DIAPH2: variants seen among roughly 807,000 people sequenced by gnomAD.
The protein encoded by DIAPH2 is diaphanous related formin 2.
Under a neutral mutation model 92.7 loss-of-function variants are expected in DIAPH2, and 35 were observed. The observed-to-expected ratio is 0.38, with a 90% confidence interval of 0.29 to 0.50. The LOEUF (loss-of-function observed/expected upper bound fraction) is 0.50, where lower values mean the gene tolerates loss of function less well. DIAPH2 is among the 20% of genes least tolerant of loss of function. The probability of loss-of-function intolerance (pLI) is 0.94; values close to 1 mark genes in which losing one functional copy is unlikely to be tolerated. For synonymous variants in DIAPH2, 301 were observed against 280.4 expected (o/e 1.07, Z -0.73); for missense variants, 701 against 819.5 (o/e 0.86, Z 1.77).
rs1276477107 is a variant in DIAPH2, at chrX:97,185,423, G to GTATA, written c.2719+43637_2719+43640dup. 9.8e-4 allele frequency among the ~76,000 whole-genome samples: 24 copies of GTATA among 24,380 alleles called. 3 individuals carry two copies. Among genetic ancestry groups the GTATA allele is most frequent in the African/African-American group, 4.3e-3 (24 of 5,622 alleles). The allele number at this position is 24,380 out of a possible 115,157, so 21.2% of individuals were successfully genotyped here. On this transcript the variant is annotated intron_variant, in intron 22 of 26. Coordinates refer to ENST00000324765, the MANE Select transcript of DIAPH2 (RefSeq NM_006729.5). ...TATATATATATATGTATATATATATGTATATATATATGTGTATATATATAT... is the reference window on the plus strand; with the variant it reads ...TATATATATATATGTATATATATATGTATATATATATATATGTGTATATATATAT...
chrX:96,822,651 G>A (rs112914388), intron 4 of DIAPH2, among the ~76,000 whole-genome samples: 2,649 of 111,254 alleles, frequency 0.024, 74 homozygotes, highest in African/African-American at 0.082. Flanking sequence ...ACACAAACTA[G>A]GCCTGAATAT....
At chrX:97,345,116 G>A (rs967134290) in intron 23 of DIAPH2, among the ~76,000 whole-genome samples, 2 of 111,701 alleles carry the variant, frequency 1.8e-5, no homozygotes, top group African/African-American at 6.5e-5. Context: ...TATATATGAT[G>A]ACAGTCTCAA....
At chrX:96,871,699 A>G (rs1248274820) in intron 4 of DIAPH2, among the ~76,000 whole-genome samples, 1 of 111,591 alleles carries the variant, frequency 9.0e-6, no homozygotes, top group Non-Finnish European at 1.9e-5. Flanking sequence ...AAGGAAACCA[A>G]TCATATTAAA....
At chrX:97,087,242 C>T (rs1042633399) in intron 19 of DIAPH2, among the ~76,000 whole-genome samples, 8 of 111,629 alleles carry the variant, frequency 7.2e-5, no homozygotes, top group African/African-American at 2.6e-4. Flanking sequence ...TTATTTTATC[C>T]CATATGAAGG....
intron 16 of DIAPH2, among the ~76,000 whole-genome samples, chrX:96,962,426 TATACATATATATATAC>T (rs2065865113): frequency 1.3e-5 from 1 of 77,622 alleles, no homozygotes; most frequent in African/African-American, 5.5e-5. Context: ...TACACATATA[TATACATATATATATAC>T]ATATATACAC....
Position 96,684,877 on chromosome X carries a change from G to C in DIAPH2, c.-182G>C, listed in dbSNP as rs1413448298. 2.1e-6 allele frequency: 1 copy of C among 471,995 alleles called. No individual in the cohort carries two copies. Among genetic ancestry groups the C allele is most frequent in the Non-Finnish European group, 3.0e-6 (1 of 332,715 alleles). The allele number at this position is 471,995 out of a possible 1,213,427, so 38.9% of individuals were successfully genotyped here. On this transcript the variant is annotated 5_prime_UTR_variant, in exon 1 of 27. Coordinates refer to ENST00000324765, the MANE Select transcript of DIAPH2 (RefSeq NM_006729.5). ...CGAGTAGTGGCAACGGCGTGGTTGC[G>C]TCGGGGGTGCCTGGGAGCCTGGAGT... is the stretch of plus-strand genomic sequence containing the variant.
intron 4 of DIAPH2, among the ~76,000 whole-genome samples, chrX:96,864,561 G>GGT (rs1164535649): frequency 9.0e-6 from 1 of 111,595 alleles, no homozygotes; most frequent in Non-Finnish European, 1.9e-5. Flanking sequence ...GAAGGCAGTG[G>GGT]GTACATGGTG....
intron 21 of DIAPH2, among the ~76,000 whole-genome samples, chrX:97,129,536 A>AAT (rs910990923): frequency 9.0e-6 from 1 of 111,626 alleles, no homozygotes; most frequent in African/African-American, 3.3e-5. Flanking sequence ...GGAATATATG[A>AAT]ATATATATGA....
intron 24 of DIAPH2, among the ~76,000 whole-genome samples, chrX:97,368,998 C>T (rs1466818998): frequency 9.5e-6 from 1 of 105,577 alleles, no homozygotes; most frequent in Non-Finnish European, 1.9e-5. Flanking sequence ...ACCTCCACCT[C>T]CCAGGTTCAA....
At chrX:97,441,022 G>A (rs1048206558) in intron 26 of DIAPH2, among the ~76,000 whole-genome samples, 1 of 111,520 alleles carries the variant, frequency 9.0e-6, no homozygotes, top group African/African-American at 3.3e-5. Flanking sequence ...ACTAAAATAA[G>A]GATTGGAAAG....
intron 23 of DIAPH2, among the ~76,000 whole-genome samples, chrX:97,289,215 C>T (rs1048275089): frequency 6.3e-5 from 7 of 111,755 alleles, no homozygotes; most frequent in Non-Finnish European, 1.3e-4. Context: ...ATAATCTTCC[C>T]AGGTGTTGAA....
intron 1 of DIAPH2, among the ~76,000 whole-genome samples, chrX:96,721,064 AT>A (rs1411440639): frequency 1.8e-5 from 2 of 111,003 alleles, no homozygotes; most frequent in Non-Finnish European, 3.8e-5. Flanking sequence ...AAGAAAATGA[AT>A]TTTTTTGCTG....
At chrX:97,026,919 T>TA (rs1362445920) in intron 17 of DIAPH2, among the ~76,000 whole-genome samples, 9 of 112,244 alleles carry the variant, frequency 8.0e-5, no homozygotes, top group African/African-American at 2.9e-4. Flanking sequence ...AGCATTATTT[T>TA]AAAAGAACAA....
chrX:97,498,743 T>C (rs956944941), intron 26 of DIAPH2, among the ~76,000 whole-genome samples: 11 of 111,734 alleles, frequency 9.8e-5, no homozygotes, highest in African/African-American at 3.6e-4. Flanking sequence ...GAAAAGATGC[T>C]GCCAATGAAA....
At chrX:97,193,880 AAGTT>A (rs1408203921) in intron 22 of DIAPH2, among the ~76,000 whole-genome samples, 1 of 112,043 alleles carries the variant, frequency 8.9e-6, no homozygotes, top group African/African-American at 3.2e-5. Context: ...GCCTATAAAT[AAGTT>A]AGTTTTGTCA....
Position 96,699,071 on chromosome X carries a change from C to T in DIAPH2, c.132+13881C>T, listed in dbSNP as rs766478058. Among the ~76,000 whole-genome samples the T allele has an allele frequency of 1.5e-3, 164 of 111,163 alleles. 3 individuals carry two copies. The Middle Eastern group carries it at 0.028, about 19-fold the overall frequency. On this transcript the variant is annotated intron_variant, in intron 1 of 26. Coordinates refer to ENST00000324765, the MANE Select transcript of DIAPH2 (RefSeq NM_006729.5). ...ATGAGCTAATATTTCCATATTGGTT[C>T]TGTTCATACAACTGTGTACAACACA...
intron 21 of DIAPH2, among the ~76,000 whole-genome samples, chrX:97,116,598 G>A (rs1233691818): frequency 9.0e-6 from 1 of 111,630 alleles, no homozygotes; most frequent in East Asian, 2.8e-4. Context: ...TATGCTATAT[G>A]CACACTGAGT....
chrX:96,983,056 C>A (rs539834080), intron 17 of DIAPH2, among the ~76,000 whole-genome samples: 2 of 106,335 alleles, frequency 1.9e-5, no homozygotes, highest in Admixed American at 2.0e-4. Flanking sequence ...CACTTATATT[C>A]TATGAAAGCA....
chrX:97,513,934 C>T (rs1172258211), intron 26 of DIAPH2, among the ~76,000 whole-genome samples: 1 of 103,952 alleles, frequency 9.6e-6, no homozygotes, highest in Non-Finnish European at 1.9e-5. Flanking sequence ...TCTCTGGCTG[C>T]CCTTAACATT....
Sources: allele counts gnomAD v4.1 joint callset (sites outside exome capture counted in the v4.1 genomes callset), GRCh38; gene constraint gnomAD v4.1.1; transcripts MANE v1.5; gene names NCBI Gene and HGNC (gene_info 2026-07-23, HGNC 2026-07-21).